Variants in HMOX2 observed in about 807,000 individuals in gnomAD.
HMOX2 encodes heme oxygenase 2, also known as heme oxygenase (decycling) 2.
Under a neutral mutation model 33.7 loss-of-function variants are expected in HMOX2, and 30 were observed. The observed-to-expected ratio is 0.89, with a 90% CI of 0.67 to 1.21. HMOX2 has a LOEUF of 1.21. Ranked by LOEUF, HMOX2 falls within the 50% of genes most tolerant of loss-of-function variation. HMOX2 has a pLI of 0.00. For synonymous variants in HMOX2, 155 were observed against 155.0 expected, an observed-to-expected ratio of 1.00 and a Z score of 0.00; for missense variants, 403 against 399.1, an observed-to-expected ratio of 1.01 and a Z score of -0.08.
intron 1 of HMOX2, among the ~76,000 whole-genome samples, chr16:4,478,486 C>G (rs1367930973): frequency 6.6e-6 from 1 of 152,114 alleles, no homozygotes. Flanking sequence ...TGCAGTGGCT[C>G]ATGCTTGTGA....
intron 1 of HMOX2, among the ~76,000 whole-genome samples, chr16:4,497,994 G>A (rs533119297): frequency 6.6e-6 from 1 of 151,036 alleles, no homozygotes; most frequent in African/African-American, 2.4e-5. Flanking sequence ...ATGCGCAAGT[G>A]CTTATTTAGT....
chr16:4,497,507 G>A (rs1027572470), intron 1 of HMOX2, among the ~76,000 whole-genome samples: 1 of 152,182 alleles, frequency 6.6e-6, no homozygotes, highest in African/African-American at 2.4e-5. Flanking sequence ...TCAGGGAACA[G>A]GGGCGAGTCT....
intron 1 of HMOX2, among the ~76,000 whole-genome samples, chr16:4,490,294 A>G (rs1253162620): frequency 6.6e-6 from 1 of 152,160 alleles, no homozygotes; most frequent in Non-Finnish European, 1.5e-5. Context: ...GAAGCAGGGT[A>G]TGGGAGGCCC....
At chr16:4,488,514 T>C (rs1262849026) in intron 1 of HMOX2, 1 of 152,196 alleles carries the variant, frequency 6.6e-6, no homozygotes, top group Non-Finnish European at 1.5e-5. Flanking sequence ...ATGATAACTG[T>C]AGCATTTTCC....
At chr16:4,486,935 G>A (rs578232884) in intron 1 of HMOX2, among the ~76,000 whole-genome samples, 3 of 152,230 alleles carry the variant, frequency 2.0e-5, no homozygotes, top group Admixed American at 6.5e-5. Flanking sequence ...TTTCCTTTTT[G>A]TATTGGCCAT....
chr16:4,488,058 G>C (rs186963071), intron 1 of HMOX2, among the ~76,000 whole-genome samples: 2 of 150,708 alleles, frequency 1.3e-5, no homozygotes, highest in East Asian at 3.9e-4. Flanking sequence ...GGGAGGCAGA[G>C]GTTGCAGTGA....
At chr16:4,474,833 C>T (rs993257263), upstream of HMOX2, 1 of 152,266 alleles carries the variant, frequency 6.6e-6, no homozygotes, top group Non-Finnish European at 1.5e-5. Flanking sequence ...CTTGCATGAA[C>T]ATCTTAATTT....
At chr16:4,486,787 G>T (rs963216578) in intron 1 of HMOX2, among the ~76,000 whole-genome samples, 4 of 152,174 alleles carry the variant, frequency 2.6e-5, no homozygotes, top group African/African-American at 9.6e-5. Flanking sequence ...ATGTTTAATT[G>T]AATATCTTAT....
intron 1 of HMOX2, chr16:4,483,831 T>G (rs1188532894): frequency 6.6e-6 from 1 of 151,998 alleles, no homozygotes; most frequent in African/African-American, 2.4e-5. Context: ...AGGCTGGTCT[T>G]GAACTCCTGA....
intron 1 of HMOX2, among the ~76,000 whole-genome samples, chr16:4,504,528 T>C (rs2058640412): frequency 6.6e-6 from 1 of 150,462 alleles, no homozygotes; most frequent in African/African-American, 2.4e-5. Context: ...ATCCGGCTAA[T>C]TTTGCATTTT....
At chr16:4,500,270 G>C (rs1278413078) in intron 1 of HMOX2, among the ~76,000 whole-genome samples, 1 of 152,172 alleles carries the variant, frequency 6.6e-6, no homozygotes, top group Non-Finnish European at 1.5e-5. Context: ...CAGGGTGATG[G>C]TAAGAATCCT....
At chr16:4,478,474 G>A (rs1262401173) in intron 1 of HMOX2, among the ~76,000 whole-genome samples, 4 of 152,058 alleles carry the variant, frequency 2.6e-5, no homozygotes, top group East Asian at 1.9e-4. Flanking sequence ...TTGTGGGCCC[G>A]GTGCAGTGGC....
intron 1 of HMOX2, among the ~76,000 whole-genome samples, chr16:4,499,246 C>T (rs1427503289): frequency 2.0e-5 from 3 of 152,128 alleles, no homozygotes; most frequent in African/African-American, 7.2e-5. Flanking sequence ...GCGTGTTAGC[C>T]CACTTAGTCT....
chr16:4,478,979 A>G (rs1304419381), intron 1 of HMOX2, among the ~76,000 whole-genome samples: 3 of 151,984 alleles, frequency 2.0e-5, no homozygotes, highest in African/African-American at 4.8e-5. Context: ...ACATTGTGAA[A>G]CCCCGTCTCT....
chr16:4,480,458 C>A (rs1781379133), intron 1 of HMOX2, among the ~76,000 whole-genome samples: 1 of 150,074 alleles, frequency 6.7e-6, no homozygotes, highest in Admixed American at 6.7e-5. Context: ...GATTCTCCTT[C>A]CTCAGCCTCC....
At chr16:4,480,976 C>T (rs1000540515) in intron 1 of HMOX2, among the ~76,000 whole-genome samples, 6 of 150,078 alleles carry the variant, frequency 4.0e-5, no homozygotes, top group South Asian at 4.4e-4. Flanking sequence ...TTTGCTTTTG[C>T]TCATGTTTTC....
At chr16:4,493,775 CT>C (rs1433361898) in intron 1 of HMOX2, among the ~76,000 whole-genome samples, 4 of 152,208 alleles carry the variant, frequency 2.6e-5, no homozygotes, top group African/African-American at 4.8e-5. Context: ...TAGTATTGTG[CT>C]GTGCAGAAAG....
intron 1 of HMOX2, among the ~76,000 whole-genome samples, chr16:4,484,044 G>A (rs1041623332): frequency 5.6e-5 from 8 of 142,312 alleles, no homozygotes; most frequent in Admixed American, 2.2e-4. Context: ...GTGCGATCTC[G>A]GCTCACTGCA....
At chr16:4,477,830 A>G (rs568697432) in intron 1 of HMOX2, among the ~76,000 whole-genome samples, 26 of 152,294 alleles carry the variant, frequency 1.7e-4, no homozygotes, top group Non-Finnish European at 2.4e-4. Flanking sequence ...TTGAGGTTGG[A>G]GGATCACTTG....
Sources: gnomAD v4.1 joint callset for allele counts (sites outside exome capture counted in the v4.1 genomes callset) on GRCh38, gnomAD v4.1.1 for gene constraint, MANE v1.5 for transcripts, NCBI Gene and HGNC (gene_info 2026-07-23, HGNC 2026-07-21) for gene names.